LEKR1: variants seen among roughly 807,000 people sequenced by gnomAD.
LEKR1 encodes leucine, glutamate and lysine rich 1.
In LEKR1, 59 loss-of-function variants were observed where a neutral mutation model predicts 72.4. That is an observed-to-expected ratio of 0.82 (90% CI 0.66 to 1.01). The LOEUF (loss-of-function observed/expected upper bound fraction) is 1.01, where lower values mean the gene tolerates loss of function less well. Ranked by LOEUF, LEKR1 falls within the 50% of genes least tolerant of loss-of-function variation. The pLI is 0.00. For synonymous variants in LEKR1, 257 were observed against 263.2 expected, an observed-to-expected ratio of 0.98 and a Z score of 0.23; for missense variants, 728 against 759.2, an observed-to-expected ratio of 0.96 and a Z score of 0.48.
chr3:157,007,259 C>T (rs1220467024), intron 9 of LEKR1, among the ~76,000 whole-genome samples: 1 of 151,942 alleles, frequency 6.6e-6, no homozygotes, highest in Non-Finnish European at 1.5e-5. Flanking sequence ...CCTTAACCAC[C>T]CACCATCTAC....
chr3:156,844,515 C>A (rs895796359), intron 2 of LEKR1, among the ~76,000 whole-genome samples: 18 of 152,128 alleles, frequency 1.2e-4, no homozygotes, highest in African/African-American at 4.3e-4. Flanking sequence ...ACCTTAACTT[C>A]CCCAATCTCT....
rs1379227811 is a variant in LEKR1 at position 156,973,016 on chromosome 3, CAAAT to C, written c.746-6175_746-6172del. Among the ~76,000 whole-genome samples the C allele has an allele frequency of 3.3e-5, 5 of 151,990 alleles. No homozygotes were observed. In the East Asian group the frequency reaches 9.6e-4, roughly 29 times the overall value. ...ATAAGTGTCTATTGAAATAAAATAA[CAAAT>C]AAGAAAGTTACATTTTAATGCCAAG... On this transcript the variant is annotated intron_variant, in intron 6 of 12. Coordinates refer to ENST00000356539, the MANE Select transcript of LEKR1 (RefSeq NM_001004316.3).
intron 3 of LEKR1, among the ~76,000 whole-genome samples, chr3:156,886,692 A>G (rs77514104): frequency 8.7e-4 from 132 of 151,772 alleles, no homozygotes; most frequent in African/African-American, 3.0e-3. Context: ...TGAGGTTAAA[A>G]CCTCCCATGA....
intron 6 of LEKR1, among the ~76,000 whole-genome samples, chr3:156,959,613 T>C (rs181343958): frequency 1.2e-4 from 18 of 152,276 alleles, no homozygotes. Context: ...CCCCTGAATA[T>C]TGCAATCCCT....
rs545186320 is a variant in LEKR1, at chr3:156,987,543, G to A, written c.828-5110G>A. Among the ~76,000 whole-genome samples the A allele has an allele frequency of 3.9e-5, 6 of 152,292 alleles. No homozygotes were observed. In the East Asian group the frequency reaches 9.6e-4, roughly 24 times the overall value. ...ATTTTTGTTTGATTTCAAAGCAAATGTGTAAAACTTGGAAAATACAAGGAT... is the reference window on the plus strand; with the variant it reads ...ATTTTTGTTTGATTTCAAAGCAAATATGTAAAACTTGGAAAATACAAGGAT... On this transcript the variant is annotated intron_variant, in intron 7 of 12. Transcript: ENST00000356539.
At chr3:156,972,819 G>A (rs1391258918) in intron 6 of LEKR1, among the ~76,000 whole-genome samples, 11 of 151,328 alleles carry the variant, frequency 7.3e-5, no homozygotes, top group Non-Finnish European at 1.6e-4. Context: ...AAATAAGACA[G>A]GTGTTAGTTT....
intron 6 of LEKR1, among the ~76,000 whole-genome samples, chr3:156,953,859 T>C (rs1052254042): frequency 2.6e-5 from 4 of 152,028 alleles, no homozygotes; most frequent in African/African-American, 9.7e-5. Flanking sequence ...ACTAGAATTA[T>C]TTATATTCCT....
intron 6 of LEKR1, among the ~76,000 whole-genome samples, chr3:156,955,401 A>T (rs145023085): frequency 1.3e-5 from 2 of 152,186 alleles, no homozygotes; most frequent in South Asian, 2.1e-4. Flanking sequence ...GAGTGGTGAG[A>T]AAGGGCATCT....
chr3:156,999,959 C>G (rs1320270908), intron 9 of LEKR1, among the ~76,000 whole-genome samples: 1 of 152,192 alleles, frequency 6.6e-6, no homozygotes, highest in Non-Finnish European at 1.5e-5. Flanking sequence ...GTTCTCTTCT[C>G]TACTGTTTGC....
At chr3:156,868,916 T>C (rs985885846) in intron 3 of LEKR1, among the ~76,000 whole-genome samples, 1 of 152,066 alleles carries the variant, frequency 6.6e-6, no homozygotes, top group Admixed American at 6.6e-5. Flanking sequence ...CTTTTTTTGC[T>C]ACCTTCTGCA....
intron 8 of LEKR1, 102 bp from the exon 9 acceptor site, chr3:156,992,972 G>T: frequency 1.6e-6 from 1 of 624,112 alleles, no homozygotes; most frequent in Non-Finnish European, 2.6e-6. Context: ...TAAAGTTACA[G>T]TTATAATCTA....
At chr3:156,952,314 C>T (rs1319951839) in intron 6 of LEKR1, among the ~76,000 whole-genome samples, 3 of 151,292 alleles carry the variant, frequency 2.0e-5, no homozygotes, top group African/African-American at 7.3e-5. Flanking sequence ...AGAGTAGTAG[C>T]AACAAAAATG....
In LEKR1 at chr3:157,028,346, A is replaced by C; in HGVS notation, c.1612A>C (p.Arg538=). 17 of 1,613,060 alleles carry C rather than the reference A, an allele frequency of 1.1e-5. No individual in the cohort carries two copies. The highest frequency in any genetic ancestry group is 1.4e-5 in the Non-Finnish European group (17 of 1,179,554). Residue 538 remains arginine, a synonymous_variant, in exon 12 of 13, where the codon AGA becomes CGA. Coordinates refer to ENST00000356539, the MANE Select transcript of LEKR1 (RefSeq NM_001004316.3). ...GGAACAGAAGTCGGATGAACTGAAA[A>C]GAGTAATGCTGGCTCAAACACAACT... ...EMEQKSDELK[R]VMLAQTQLIE...
chr3:156,883,726 C>A (rs574456239), intron 3 of LEKR1, among the ~76,000 whole-genome samples: 76 of 152,304 alleles, frequency 5.0e-4, no homozygotes, highest in African/African-American at 1.8e-3. Context: ...ACATGCCTTT[C>A]ACCTTCCACC....
chr3:156,996,171 T>C (rs752208173), intron 9 of LEKR1, among the ~76,000 whole-genome samples: 14 of 151,998 alleles, frequency 9.2e-5, no homozygotes, highest in Non-Finnish European at 1.5e-4. Flanking sequence ...AACAAAAAAA[T>C]AGAGAACTGA....
At chr3:157,006,766 G>C (rs899632931) in intron 9 of LEKR1, among the ~76,000 whole-genome samples, 2 of 152,174 alleles carry the variant, frequency 1.3e-5, no homozygotes, top group African/African-American at 4.8e-5. Flanking sequence ...AGAATATACT[G>C]TATGACTTCA....
At chr3:156,842,036 C>T (rs1255338236) in intron 2 of LEKR1, among the ~76,000 whole-genome samples, 1 of 152,150 alleles carries the variant, frequency 6.6e-6, no homozygotes, top group African/African-American at 2.4e-5. Flanking sequence ...TTGTGTGCTG[C>T]TTATGAGAAT....
chr3:156,949,187 TG>T (rs1156851986), intron 6 of LEKR1, among the ~76,000 whole-genome samples: 2 of 151,668 alleles, frequency 1.3e-5, no homozygotes, highest in East Asian at 1.9e-4. Context: ...TGTCAGTTTT[TG>T]CCTTTGTTGC....
Position 157,017,962 on chromosome 3 carries a change from A to AAGAAAG in LEKR1, c.1203+6457_1203+6458insGAAAGA, listed in dbSNP as rs1553831879. Among the ~76,000 whole-genome samples the AAGAAAG allele has an allele frequency of 5.2e-5, 7 of 134,236 alleles. 1 individual carries two copies. The South Asian group carries it at 7.3e-4, about 14-fold the overall frequency. 88.1% of individuals were successfully genotyped at this position (134,236 alleles called of 152,430 possible). A position where few individuals can be genotyped will look rare whatever the true frequency, so the allele number is the denominator to read the frequency against. On this transcript the variant is annotated intron_variant, in intron 10 of 12. Coordinates refer to ENST00000356539, the MANE Select transcript of LEKR1 (RefSeq NM_001004316.3). ...AGACTCTGTCTCAAAAAAAAAAAAAAAAAAAAAAAAGAAAGCTGGAGTAGC... is the reference window on the plus strand; with the variant it reads ...AGACTCTGTCTCAAAAAAAAAAAAAAAGAAAGAAAAAAAAAAGAAAGCTGGAGTAGC...
Sources: allele counts gnomAD v4.1 joint callset (sites outside exome capture counted in the v4.1 genomes callset), GRCh38; gene constraint gnomAD v4.1.1; transcripts MANE v1.5; gene names NCBI Gene and HGNC (gene_info 2026-07-23, HGNC 2026-07-21).